Variants in ABTB2 observed in about 807,000 individuals in gnomAD.
ABTB2 encodes the protein ankyrin repeat and BTB/POZ domain-containing protein 2.
In ABTB2, 56 loss-of-function variants were observed where a neutral mutation model predicts 104.1. The observed-to-expected ratio is 0.54, with a 90% CI of 0.43 to 0.67. ABTB2 has a LOEUF of 0.67. Ranked by LOEUF, ABTB2 falls within the 30% of genes least tolerant of loss-of-function variation. The pLI is 0.00. For synonymous variants in ABTB2, 606 were observed against 608.2 expected (o/e 1.00, Z 0.05); for missense variants, 1,279 against 1,407.7 (o/e 0.91, Z 1.46).
chr11:34,160,312 G>C lies in ABTB2; in HGVS notation c.2439C>G (p.His813Gln). 1 of 1,614,232 alleles carries C rather than the reference G, an allele frequency of 6.2e-7. No homozygotes were observed. The highest frequency in any genetic ancestry group is 8.5e-7 in the Non-Finnish European group (1 of 1,180,032). Residue 813 changes from histidine to glutamine, a missense_variant, in exon 12 of 17, where the codon CAC becomes CAG. His to Gln is a conservative substitution (Grantham distance 24). Transcript: ENST00000435224. Reference sequence around the variant, plus strand: ...TGGGGATGGGACTGCTGCCATAGCAGTGGGTGAAGATGGTAGCCAGTTGCT... The same window carrying C: ...TGGGGATGGGACTGCTGCCATAGCACTGGGTGAAGATGGTAGCCAGTTGCT... ...VIQQLATIFT[H>Q]CYGSSPIPSI...
chr11:34,330,018 G>C (rs534537515), intron 1 of ABTB2, among the ~76,000 whole-genome samples: 36 of 152,320 alleles, frequency 2.4e-4, no homozygotes, highest in African/African-American at 8.2e-4. Flanking sequence ...TTCTGACCAA[G>C]TGGTTGCTGG....
intron 3 of ABTB2, among the ~76,000 whole-genome samples, 157 bp downstream of exon 3, chr11:34,197,168 T>A (rs1396238253): frequency 6.6e-6 from 1 of 152,142 alleles, no homozygotes; most frequent in African/African-American, 2.4e-5. Context: ...CAGGCCTTCA[T>A]CCATCGGAAT....
In ABTB2 at chr11:34,159,383, G is replaced by A; in HGVS notation, c.2610C>T (p.Phe870=). ...KVLLVTASNR[F]KTLMTNKSEQ... is the part of the protein sequence containing the mutation. ...CTGATTTATTGGTCATTAGTGTCTT[G>A]AACCTGGAGCAAAGGAGACAAAGCA... Residue 870 remains phenylalanine, a synonymous_variant, in exon 14 of 17, where the codon TTC becomes TTT. Coordinates refer to ENST00000435224, the MANE Select transcript of ABTB2 (RefSeq NM_145804.3). 1.9e-6 allele frequency: 3 copies of A among 1,612,364 alleles called. No individual in the cohort carries two copies. Among genetic ancestry groups the A allele is most frequent in the Non-Finnish European group, 2.5e-6 (3 of 1,178,452 alleles).
intron 14 of ABTB2, among the ~76,000 whole-genome samples, chr11:34,156,369 G>T (rs1852627046): frequency 6.6e-6 from 1 of 152,162 alleles, no homozygotes; most frequent in Admixed American, 6.5e-5. Flanking sequence ...AGCCTGTGGG[G>T]CTAGAGGCTG....
chr11:34,227,856 A>T (rs1362488108), intron 1 of ABTB2, among the ~76,000 whole-genome samples: 14 of 142,878 alleles, frequency 9.8e-5, no homozygotes, highest in East Asian at 8.4e-4. Flanking sequence ...TGCCTCAGCC[A>T]CCTGAGTATC....
At chr11:34,229,346 TG>T (rs1590223484) in intron 1 of ABTB2, among the ~76,000 whole-genome samples, 3 of 147,876 alleles carry the variant, frequency 2.0e-5, no homozygotes, top group South Asian at 4.3e-4. Flanking sequence ...CCAGGTGTGG[TG>T]GCGGGCGCCT....
At chr11:34,279,036 G>A (rs1719450162) in intron 1 of ABTB2, among the ~76,000 whole-genome samples, 1 of 152,206 alleles carries the variant, frequency 6.6e-6, no homozygotes, top group African/African-American at 2.4e-5. Flanking sequence ...TGGGTATAAT[G>A]TGTCTGCACA....
intron 3 of ABTB2, among the ~76,000 whole-genome samples, chr11:34,173,862 T>A (rs534891746): frequency 6.6e-6 from 1 of 152,312 alleles, no homozygotes; most frequent in East Asian, 1.9e-4. Context: ...GTTCTCCATC[T>A]GTAGCACACG....
At chr11:34,294,535 C>T (rs73497352) in intron 1 of ABTB2, among the ~76,000 whole-genome samples, 13,890 of 151,934 alleles carry the variant, frequency 0.091, 1,975 homozygotes, top group African/African-American at 0.3. Flanking sequence ...AGTTAGAAGA[C>T]GGAAATTGAA....
At chr11:34,240,491 A>G (rs972125720) in intron 1 of ABTB2, among the ~76,000 whole-genome samples, 1 of 152,250 alleles carries the variant, frequency 6.6e-6, no homozygotes, top group Admixed American at 6.5e-5. Context: ...AGCCAGAAGC[A>G]GAGAAGATCT....
chr11:34,160,211 C>T lies in ABTB2; in HGVS notation c.2503+37G>A, dbSNP rs376707571. 58 of 1,520,798 alleles carry T rather than the reference C, an allele frequency of 3.8e-5. No individual in the cohort carries two copies. In the Admixed American group the frequency reaches 7.0e-4, roughly 18 times the overall value. 94.2% of individuals were successfully genotyped at this position (1,520,798 alleles called of 1,614,324 possible). ...AGCAGGAAAGGGAAGAGGGGGAGGA[C>T]GTGTGGTGATGCAGGGCGCAGGGGG... On this transcript the variant is annotated intron_variant, in intron 12 of 16. Coordinates refer to ENST00000435224, the MANE Select transcript of ABTB2 (RefSeq NM_145804.3).
At chr11:34,325,096 T>A (rs1387194977) in intron 1 of ABTB2, among the ~76,000 whole-genome samples, 1 of 152,174 alleles carries the variant, frequency 6.6e-6, no homozygotes, top group Non-Finnish European at 1.5e-5. Context: ...CCACCATACC[T>A]GGACACTTCC....
chr11:34,155,269 C>T (rs775166871), intron 14 of ABTB2, among the ~76,000 whole-genome samples: 3 of 152,234 alleles, frequency 2.0e-5, no homozygotes, highest in Non-Finnish European at 4.4e-5. Context: ...CCCCTGTTTG[C>T]ACAAGGACTC....
intron 1 of ABTB2, among the ~76,000 whole-genome samples, chr11:34,312,168 G>GA (rs1399722822): frequency 6.6e-6 from 1 of 150,826 alleles, no homozygotes; most frequent in Non-Finnish European, 1.5e-5. Flanking sequence ...AAAAGAAAAA[G>GA]AAAAAGAGAA....
intron 1 of ABTB2, among the ~76,000 whole-genome samples, chr11:34,273,960 G>C (rs1854351483): frequency 1.3e-5 from 2 of 151,172 alleles, no homozygotes; most frequent in African/African-American, 2.4e-5. Context: ...AGACCATCCT[G>C]GCTAACAAGG....
chr11:34,204,832 G>A, intron 1 of ABTB2, 142 bp from the exon 2 acceptor site: 1 of 943,922 alleles, frequency 1.1e-6, no homozygotes, highest in Middle Eastern at 3.2e-4. Context: ...TCTGAGCCTT[G>A]AGGACTTGAG....
intron 1 of ABTB2, among the ~76,000 whole-genome samples, chr11:34,346,202 C>T (rs1855329562): frequency 6.6e-6 from 1 of 152,236 alleles, no homozygotes; most frequent in African/African-American, 2.4e-5. Flanking sequence ...GATTATACAG[C>T]TCTGCCTTTG....
intron 1 of ABTB2, among the ~76,000 whole-genome samples, chr11:34,234,814 T>A (rs1853819281): frequency 6.6e-6 from 1 of 152,178 alleles, no homozygotes; most frequent in Non-Finnish European, 1.5e-5. Flanking sequence ...CCCTTTTAGT[T>A]TCCCTGAAGC....
Position 34,162,630 on chromosome 11 carries a change from A to T in ABTB2, c.2164T>A (p.Tyr722Asn). The T allele has an allele frequency of 1.2e-6, 2 of 1,613,594 alleles. No individual in the cohort carries two copies. The highest frequency in any genetic ancestry group is 1.7e-6 in the Non-Finnish European group (2 of 1,179,990). ...TRTKALQEAM[Y>N]YSAEHGYVDI... ...ACGTAGCCGTGCTCAGCGCTGTAGT[A>T]CATGGCCTCCTGTAGGGCCTTGGTG... The change falls in exon 10 of 17, where the codon TAC becomes AAC. Residue 722 changes from tyrosine to asparagine, a missense_variant. Transcript: ENST00000435224.
Sources: allele counts gnomAD v4.1 joint callset (sites outside exome capture counted in the v4.1 genomes callset), GRCh38; gene constraint gnomAD v4.1.1; transcripts MANE v1.5; gene names NCBI Gene and HGNC (gene_info 2026-07-23, HGNC 2026-07-21).